Variants in GALNT9 observed in about 807,000 individuals in gnomAD.
GALNT9 encodes polypeptide N-acetylgalactosaminyltransferase 9.
In GALNT9, 47 loss-of-function variants were observed where a neutral mutation model predicts 63.1. The ratio of observed to expected loss-of-function variants is 0.75; its 90% CI spans 0.59 to 0.95. The LOEUF (loss-of-function observed/expected upper bound fraction) is 0.95. Ranked by LOEUF, GALNT9 falls within the 40% of genes least tolerant of loss-of-function variation. The pLI is 0.00. For synonymous variants in GALNT9, 396 were observed against 365.7 expected (o/e 1.08, Z -0.94); for missense variants, 829 against 874.8 (o/e 0.95, Z 0.66).
intron 6 of GALNT9, among the ~76,000 whole-genome samples, chr12:132,222,800 C>T (rs1877503831): frequency 6.6e-6 from 1 of 151,634 alleles, no homozygotes; most frequent in African/African-American, 2.4e-5. Context: ...GCTATGGACG[C>T]ACCCCCCGCC....
chr12:132,229,800 A>G (rs1285926461), intron 6 of GALNT9, among the ~76,000 whole-genome samples: 1 of 152,218 alleles, frequency 6.6e-6, no homozygotes, highest in Non-Finnish European at 1.5e-5. Flanking sequence ...ACAGGTGTTC[A>G]CTGATTTAAT....
At chr12:132,241,702 A>G (rs1555237206) in intron 6 of GALNT9, among the ~76,000 whole-genome samples, 8 of 93,918 alleles carry the variant, frequency 8.5e-5, no homozygotes, top group Non-Finnish European at 8.7e-5. Flanking sequence ...TTACACACAC[A>G]ACACACACCC....
chr12:132,261,089 T>C lies in GALNT9; in HGVS notation c.620A>G (p.Asn207Ser), dbSNP rs1174647211. ...ELKFNLDQYV[N>S]KRYPGLVKIV... ...CTTCACGAGGCCTGGGTACCGCTTG[T>C]TGACGTACTGGTCCAGATTGAACTT... Residue 207 changes from asparagine (N) to serine (S), a missense_variant, in exon 4 of 11, where the codon AAC becomes AGC. By Grantham distance (46) the Asn-to-Ser change is conservative (BLOSUM62 1). Transcript: ENST00000328957. The C allele has an allele frequency of 3.9e-6, 6 of 1,551,470 alleles. No individual in the cohort carries two copies. Among genetic ancestry groups the C allele is most frequent in the Middle Eastern group, 1.7e-4 (1 of 6,014 alleles).
chr12:132,226,317 A>G (rs1877685166), intron 6 of GALNT9, among the ~76,000 whole-genome samples: 1 of 148,438 alleles, frequency 6.7e-6, no homozygotes, highest in Non-Finnish European at 1.5e-5. Context: ...CGCTGCACAT[A>G]CTGTACATAC....
rs538957741 is a variant in GALNT9 at position 132,268,927 on chromosome 12, G to T, written c.420-6302C>A. ...GGGCCGGAACGCCCACGTGTGGCGG[G>T]TGGGGACGGGAGGTGGCGCAGCTGC... On this transcript the variant is annotated intron_variant, in intron 2 of 10. Coordinates refer to ENST00000328957, the MANE Select transcript of GALNT9 (RefSeq NM_001122636.2). 1.5e-3 allele frequency among the ~76,000 whole-genome samples: 221 copies of T among 152,402 alleles called. 1 individual carries two copies. The highest frequency in any genetic ancestry group is 5.1e-3 in the African/African-American group (214 of 41,604).
chr12:132,313,753 T>A (rs1881908286), intron 1 of GALNT9, among the ~76,000 whole-genome samples: 1 of 105,916 alleles, frequency 9.4e-6, no homozygotes, highest in South Asian at 3.7e-4. Flanking sequence ...CATTCATCCA[T>A]CCACCCATCC....
At chr12:132,309,643 G>C (rs986503735) in intron 1 of GALNT9, among the ~76,000 whole-genome samples, 5 of 152,228 alleles carry the variant, frequency 3.3e-5, no homozygotes, top group Admixed American at 3.3e-4. Flanking sequence ...AGTGTCCCCT[G>C]AGCAGGACAG....
At chr12:132,263,638 C>G (rs77686873) in intron 2 of GALNT9, among the ~76,000 whole-genome samples, 1 of 152,128 alleles carries the variant, frequency 6.6e-6, no homozygotes, top group Non-Finnish European at 1.5e-5. Context: ...GTGACCGGAA[C>G]GTGAGCGCCC....
rs574790370 is a variant in GALNT9 at position 132,312,003 on chromosome 12, T to A, written c.238+16963A>T. ...CCCTGGTTTGCCTTTGTAGATAATG[T>A]CTCTCTCTCCCAGCTTCAATTTTAT... On this transcript the variant is annotated intron_variant, in intron 1 of 10. Transcript: ENST00000328957. Among the ~76,000 whole-genome samples the A allele has an allele frequency of 7.2e-5, 11 of 152,284 alleles. No individual in the cohort carries two copies. The South Asian group carries it at 2.1e-3, about 29-fold the overall frequency.
intron 6 of GALNT9, among the ~76,000 whole-genome samples, chr12:132,217,602 A>G (rs926069110): frequency 3.6e-5 from 5 of 138,950 alleles, no homozygotes; most frequent in South Asian, 2.4e-4. Context: ...CCATCCATCC[A>G]TCCATCCAGC....
At chr12:132,239,293 G>A (rs28568908) in intron 6 of GALNT9, among the ~76,000 whole-genome samples, 1 of 138,496 alleles carries the variant, frequency 7.2e-6, no homozygotes, top group Non-Finnish European at 1.6e-5. Context: ...GACACAGAGA[G>A]ACAGAGAGAG....
intron 2 of GALNT9, among the ~76,000 whole-genome samples, chr12:132,263,555 A>C (rs1391938428): frequency 5.9e-5 from 9 of 152,086 alleles, no homozygotes; most frequent in African/African-American, 2.2e-4. Context: ...GTCCTGTCCC[A>C]TGGGGTGGCC....
At chr12:132,318,640 G>A (rs1868638543) in intron 1 of GALNT9, among the ~76,000 whole-genome samples, 1 of 152,252 alleles carries the variant, frequency 6.6e-6, no homozygotes, top group Non-Finnish European at 1.5e-5. Flanking sequence ...ATCCTGGGAT[G>A]TGCACCCCGA....
chr12:132,209,479 A>G (rs114427747), intron 6 of GALNT9, among the ~76,000 whole-genome samples: 4,906 of 152,112 alleles, frequency 0.032, 252 homozygotes, highest in African/African-American at 0.11. Context: ...GAACTTGGGA[A>G]GCAAAGGTTG....
chr12:132,267,757 A>ACACT (rs1555240313), intron 2 of GALNT9, among the ~76,000 whole-genome samples: 1 of 144,408 alleles, frequency 6.9e-6, no homozygotes, highest in African/African-American at 2.9e-5. Context: ...ACACACACTC[A>ACACT]CACACACATG....
At chr12:132,302,438 A>G (rs576953623) in intron 1 of GALNT9, among the ~76,000 whole-genome samples, 1 of 152,344 alleles carries the variant, frequency 6.6e-6, no homozygotes, top group Non-Finnish European at 1.5e-5. Context: ...CCACGTCACT[A>G]AAAATTCTTC....
At chr12:132,306,549 G>C (rs1881622237) in intron 1 of GALNT9, among the ~76,000 whole-genome samples, 1 of 152,306 alleles carries the variant, frequency 6.6e-6, no homozygotes, top group African/African-American at 2.4e-5. Context: ...TAGTGGCTTG[G>C]AGGACACAGG....
intron 6 of GALNT9, among the ~76,000 whole-genome samples, chr12:132,218,008 C>T (rs1877288937): frequency 6.6e-6 from 1 of 151,446 alleles, no homozygotes; most frequent in Non-Finnish European, 1.5e-5. Context: ...CATTTGCCCA[C>T]CTAGACACCA....
rs1404332331 is a variant in GALNT9 at position 132,282,464 on chromosome 12, T to C, written c.419+3786A>G. Among the ~76,000 whole-genome samples the C allele has an allele frequency of 2.0e-5, 3 of 152,250 alleles. No homozygotes were observed. Among genetic ancestry groups the C allele is most frequent in the Non-Finnish European group, 4.4e-5 (3 of 68,038 alleles). On this transcript the variant is annotated intron_variant, in intron 2 of 10. Transcript: ENST00000328957. The surrounding 1 kb of genome is among the most constrained non-coding windows in gnomAD (Gnocchi z 4.5). ...GTGTGTGTGCGTGTGCATGTGTGTG[T>C]GCACGCATGTGGTAATTTATTGCAA...
Sources: gnomAD v4.1 joint callset for allele counts (sites outside exome capture counted in the v4.1 genomes callset) on GRCh38, gnomAD v4.1.1 for gene constraint, Gnocchi (gnomAD v3.1) non-coding constraint, MANE v1.5 for transcripts, NCBI Gene and HGNC (gene_info 2026-07-23, HGNC 2026-07-21) for gene names.